Variants in ABCA9 observed in about 807,000 individuals in gnomAD.
The protein encoded by ABCA9 is ATP-binding cassette sub-family A member 9.
In ABCA9, 183 loss-of-function variants were observed where a neutral mutation model predicts 205.3. The ratio of observed to expected loss-of-function variants is 0.89; its 90% confidence interval spans 0.79 to 1.01. ABCA9 has a LOEUF of 1.01. ABCA9 is among the 50% of genes least tolerant of loss of function. The pLI is 0.00. For synonymous variants in ABCA9, 651 were observed against 683.3 expected (o/e 0.95, Z 0.74); for missense variants, 1,805 against 1,912.4 (o/e 0.94, Z 1.05).
Position 69,035,258 on chromosome 17 carries a change from A to G in ABCA9, c.1116T>C (p.Val372=). 1 of 1,584,150 alleles carries G rather than the reference A, an allele frequency of 6.3e-7. No homozygotes were observed. Among genetic ancestry groups the G allele is most frequent in the Non-Finnish European group, 8.6e-7 (1 of 1,166,706 alleles). ...CCTTAACTCTTACCTGGGCCATCCCAACAGTGAAGGCAAAGGGGCTAAGAA... is the reference window on the plus strand; with the variant it reads ...CCTTAACTCTTACCTGGGCCATCCCGACAGTGAAGGCAAAGGGGCTAAGAA... ...LCLLSPFAFT[V]GMAQLIHLDY... is the part of the protein sequence containing the mutation. The change falls in exon 8 of 39, where the codon GTT becomes GTC. Residue 372 remains valine (V), a synonymous_variant. Coordinates refer to ENST00000340001, the MANE Select transcript of ABCA9 (RefSeq NM_080283.4).
At chr17:69,043,746 A>G in intron 5 of ABCA9, 31 bp from the exon 6 acceptor site, 9 of 1,519,692 alleles carry the variant, frequency 5.9e-6, no homozygotes, top group Non-Finnish European at 8.0e-6. Context: ...ACAAATTGTT[A>G]TCATCAATCT....
intron 11 of ABCA9, 58 bp from the exon 12 acceptor site, chr17:69,028,703 T>A: frequency 9.7e-7 from 1 of 1,028,944 alleles, no homozygotes; most frequent in Non-Finnish European, 1.4e-6. Context: ...TTACAGTCTC[T>A]GAAACTGTTG....
At chr17:69,046,437 G>A (rs1054266791) in intron 3 of ABCA9, among the ~76,000 whole-genome samples, 1 of 152,144 alleles carries the variant, frequency 6.6e-6, no homozygotes, top group Admixed American at 6.6e-5. Context: ...TGTTTTATGA[G>A]AGGCTTATAA....
chr17:68,991,716 C>A (rs576344647), intron 28 of ABCA9, among the ~76,000 whole-genome samples: 1 of 152,256 alleles, frequency 6.6e-6, no homozygotes, highest in South Asian at 2.1e-4. Flanking sequence ...AAAACCTTTC[C>A]TATACTTTTC....
chr17:69,028,652 T>A lies in ABCA9; in HGVS notation c.1505-7A>T, dbSNP rs777639267. Reference sequence around the variant, plus strand: ...TATATGTCAAACACCACACCTGGCATGATTTTAAAAAAAATTACACTCAGA... The same window carrying A: ...TATATGTCAAACACCACACCTGGCAAGATTTTAAAAAAAATTACACTCAGA... On this transcript the variant is annotated splice_polypyrimidine_tract_variant and splice_region_variant and intron_variant, in intron 11 of 38. Coordinates refer to ENST00000340001, the MANE Select transcript of ABCA9 (RefSeq NM_080283.4). 1.1e-5 allele frequency: 17 copies of A among 1,532,442 alleles called. No homozygotes were observed. Among genetic ancestry groups the A allele is most frequent in the Middle Eastern group, 1.7e-4 (1 of 5,764 alleles). The allele number at this position is 1,532,442 out of a possible 1,614,324, so 94.9% of individuals were successfully genotyped here.
At chr17:69,002,563 TGTG>T (rs201685613) in intron 25 of ABCA9, among the ~76,000 whole-genome samples, 7,827 of 151,808 alleles carry the variant, frequency 0.052, 604 homozygotes, top group African/African-American at 0.18. Flanking sequence ...TTGGAATAGG[TGTG>T]GTGTGGTGCT....
At chr17:68,980,127 T>C (rs2069002316) in intron 37 of ABCA9, among the ~76,000 whole-genome samples, 1 of 152,036 alleles carries the variant, frequency 6.6e-6, no homozygotes, top group Admixed American at 6.5e-5. Context: ...GGACAAAGGA[T>C]ATGAACAGAC....
In ABCA9 at chr17:69,049,434, T is replaced by C; in HGVS notation, c.153A>G (p.Leu51=). 1 of 1,613,120 alleles carries C rather than the reference T, an allele frequency of 6.2e-7. No individual in the cohort carries two copies. Among genetic ancestry groups the C allele is most frequent in the Non-Finnish European group, 8.5e-7 (1 of 1,179,440 alleles). Residue 51 remains leucine, a synonymous_variant, in exon 3 of 39, where the codon TTA becomes TTG. Transcript: ENST00000340001. ...TTTGAGGAGTGTCATGAACTTGATGTAAATTGGAGAAAAATAGGTACAGAA... is the reference window on the plus strand; with the variant it reads ...TTTGAGGAGTGTCATGAACTTGATGCAAATTGGAGAAAAATAGGTACAGAA... ...VLFLYLFFSN[L]HQVHDTPQMS...
chr17:68,993,336 G>C (rs1031974167), intron 26 of ABCA9, among the ~76,000 whole-genome samples: 1 of 152,160 alleles, frequency 6.6e-6, no homozygotes, highest in Non-Finnish European at 1.5e-5. Context: ...GGAGAATCCT[G>C]GGCTGGTGCT....
chr17:69,008,907 A>G (rs2070265683), intron 23 of ABCA9, among the ~76,000 whole-genome samples: 1 of 152,216 alleles, frequency 6.6e-6, no homozygotes, highest in Non-Finnish European at 1.5e-5. Flanking sequence ...GTAAAGCATA[A>G]AGGCAATTAA....
At chr17:68,994,029 C>T (rs1407153422) in intron 26 of ABCA9, among the ~76,000 whole-genome samples, 1 of 152,162 alleles carries the variant, frequency 6.6e-6, no homozygotes, top group African/African-American at 2.4e-5. Flanking sequence ...GCACCCAATA[C>T]CATGCCCTGC....
chr17:68,995,458 C>A (rs919677653), intron 26 of ABCA9, among the ~76,000 whole-genome samples: 3 of 152,250 alleles, frequency 2.0e-5, no homozygotes, highest in South Asian at 2.1e-4. Context: ...TGTCGCATGG[C>A]TTTTCATACC....
chr17:69,008,728 C>T (rs987134027), intron 23 of ABCA9, among the ~76,000 whole-genome samples: 3 of 152,152 alleles, frequency 2.0e-5, no homozygotes, highest in African/African-American at 7.2e-5. Context: ...GCAAGACTGC[C>T]TTTAAAATGT....
chr17:69,072,569 C>T, the ABCA9 span, among the ~76,000 whole-genome samples: 680 of 152,086 alleles, frequency 4.5e-3, 7 homozygotes, highest in African/African-American at 0.015. Context: ...CACCACCAGG[C>T]CTGCCTTACA....
At chr17:68,995,820 T>C in intron 26 of ABCA9, 75 bp downstream of exon 26, 2 of 1,567,868 alleles carry the variant, frequency 1.3e-6, no homozygotes, top group Non-Finnish European at 1.7e-6. Context: ...ACTCTATCTA[T>C]ATTTTTGCAA....
chr17:69,056,473 A>C (rs1470028223), intron 1 of ABCA9, among the ~76,000 whole-genome samples: 2 of 152,188 alleles, frequency 1.3e-5, no homozygotes, highest in African/African-American at 2.4e-5. Context: ...AAGAATAAAC[A>C]ATCTGAATTA....
intron 15 of ABCA9, among the ~76,000 whole-genome samples, chr17:69,026,725 C>A (rs954618485): frequency 6.6e-6 from 1 of 152,154 alleles, no homozygotes; most frequent in Non-Finnish European, 1.5e-5. Flanking sequence ...GACATCAAGA[C>A]TGCCTAAAAC....
chr17:68,993,497 A>T (rs2069521452), intron 26 of ABCA9, among the ~76,000 whole-genome samples: 1 of 152,204 alleles, frequency 6.6e-6, no homozygotes, highest in Non-Finnish European at 1.5e-5. Flanking sequence ...TCTTACAGCC[A>T]CTTTTGAGAG....
In ABCA9 at chr17:68,975,714, G is replaced by A; in HGVS notation, c.*201C>T. ...TTGGTTGCTGGCACAAAGGCTGCATGGTATGGCTTAGGCTTATGCCCTATG... is the reference window on the plus strand; with the variant it reads ...TTGGTTGCTGGCACAAAGGCTGCATAGTATGGCTTAGGCTTATGCCCTATG... On this transcript the variant is annotated 3_prime_UTR_variant, in exon 39 of 39. Coordinates refer to ENST00000340001, the MANE Select transcript of ABCA9 (RefSeq NM_080283.4). 1 of 493,486 alleles carries A rather than the reference G, an allele frequency of 2.0e-6. No homozygotes were observed. The allele number at this position is 493,486 out of a possible 1,614,324, so 30.6% of individuals were successfully genotyped here.
Sources: gnomAD v4.1 joint callset for allele counts (sites outside exome capture counted in the v4.1 genomes callset) on GRCh38, gnomAD v4.1.1 for gene constraint, MANE v1.5 for transcripts, NCBI Gene and HGNC (gene_info 2026-07-23, HGNC 2026-07-21) for gene names.